ASIC2: variants seen among roughly 807,000 people sequenced by gnomAD.
ASIC2 encodes acid sensing ion channel subunit 2, also known as acid-sensing ion channel 2.
Under a neutral mutation model 57.3 loss-of-function variants are expected in ASIC2, and 25 were observed. That is an observed-to-expected ratio of 0.44 (90% CI 0.32 to 0.61). The LOEUF (loss-of-function observed/expected upper bound fraction) is 0.61. ASIC2 is among the 20% of genes least tolerant of loss of function. The pLI is 0.06. For synonymous variants in ASIC2, 319 were observed against 307.5 expected, an observed-to-expected ratio of 1.04 and a Z score of -0.39; for missense variants, 641 against 738.1, an observed-to-expected ratio of 0.87 and a Z score of 1.52.
intron 1 of ASIC2, among the ~76,000 whole-genome samples, chr17:33,228,992 C>A (rs1310324900): frequency 6.6e-6 from 1 of 152,204 alleles, no homozygotes; most frequent in Non-Finnish European, 1.5e-5. Context: ...CCCAGATATG[C>A]TCAGCAAGTT....
intron 1 of ASIC2, among the ~76,000 whole-genome samples, chr17:33,679,135 C>T (rs1037199521): frequency 3.3e-5 from 5 of 152,148 alleles, no homozygotes; most frequent in African/African-American, 1.2e-4. Context: ...ATATCCAGAA[C>T]AAGGCTAGAA....
At chr17:33,350,132 A>T (rs1485766433) in intron 1 of ASIC2, among the ~76,000 whole-genome samples, 1 of 152,068 alleles carries the variant, frequency 6.6e-6, no homozygotes, top group African/African-American at 2.4e-5. Context: ...GTCTCCTTGG[A>T]TTCTACCTGT....
intron 1 of ASIC2, among the ~76,000 whole-genome samples, chr17:33,508,506 G>A (rs1914330982): frequency 6.6e-6 from 1 of 152,198 alleles, no homozygotes; most frequent in African/African-American, 2.4e-5. Flanking sequence ...CCATCCCAGG[G>A]AGGTGGGGCC....
chr17:33,114,276 T>C (rs1324649497), intron 1 of ASIC2, among the ~76,000 whole-genome samples: 2 of 152,228 alleles, frequency 1.3e-5, no homozygotes, highest in Admixed American at 6.5e-5. Flanking sequence ...CATATAGCAA[T>C]TGAACTTGGC....
intron 1 of ASIC2, among the ~76,000 whole-genome samples, chr17:33,640,220 G>C (rs984309460): frequency 2.0e-5 from 3 of 152,068 alleles, no homozygotes; most frequent in African/African-American, 7.2e-5. Flanking sequence ...AGAGAGAGAG[G>C]AGAGAGAAAA....
At chr17:33,305,311 G>T (rs1906124848) in intron 1 of ASIC2, among the ~76,000 whole-genome samples, 1 of 152,120 alleles carries the variant, frequency 6.6e-6, no homozygotes, top group Admixed American at 6.6e-5. Context: ...CAGCCTTCCA[G>T]GCACCAGGGA....
intron 1 of ASIC2, among the ~76,000 whole-genome samples, chr17:34,027,271 T>C (rs1045584409): frequency 2.6e-5 from 4 of 152,184 alleles, no homozygotes; most frequent in African/African-American, 9.7e-5. Flanking sequence ...CCTGAAAATA[T>C]CTCAGTACCT....
intron 1 of ASIC2, among the ~76,000 whole-genome samples, chr17:33,192,174 A>C (rs1184544084): frequency 1.3e-5 from 2 of 152,174 alleles, no homozygotes; most frequent in Non-Finnish European, 2.9e-5. Flanking sequence ...TGAGGTCAGG[A>C]GCTCAAGACC....
At chr17:33,876,538 A>C (rs529778029) in intron 1 of ASIC2, among the ~76,000 whole-genome samples, 24 of 152,206 alleles carry the variant, frequency 1.6e-4, no homozygotes, top group Non-Finnish European at 2.9e-4. Flanking sequence ...TGATTGTACT[A>C]TCTCCATTTA....
chr17:33,841,852 C>T (rs907886055), intron 1 of ASIC2, among the ~76,000 whole-genome samples: 6 of 152,142 alleles, frequency 3.9e-5, no homozygotes, highest in Non-Finnish European at 5.9e-5. Context: ...AGCTAGCAAA[C>T]GAGACACAGG....
At chr17:33,088,337 A>G (rs2092143430) in intron 3 of ASIC2, among the ~76,000 whole-genome samples, 1 of 152,172 alleles carries the variant, frequency 6.6e-6, no homozygotes, top group South Asian at 2.1e-4. Flanking sequence ...CCACAGACAG[A>G]ATTGATGCAG....
chr17:33,529,514 C>T (rs942925554), intron 1 of ASIC2, among the ~76,000 whole-genome samples: 9 of 152,250 alleles, frequency 5.9e-5, no homozygotes, highest in African/African-American at 2.2e-4. Context: ...ACCCCTAGCT[C>T]ATTCTCATTC....
At chr17:33,328,762 C>G (rs1597685186) in intron 1 of ASIC2, among the ~76,000 whole-genome samples, 1 of 152,290 alleles carries the variant, frequency 6.6e-6, no homozygotes, top group South Asian at 2.1e-4. Flanking sequence ...TCCATTTTAT[C>G]TTTTCTTCAG....
At chr17:33,773,115 G>A (rs970158255) in intron 1 of ASIC2, among the ~76,000 whole-genome samples, 2 of 152,160 alleles carry the variant, frequency 1.3e-5, no homozygotes, top group Non-Finnish European at 2.9e-5. Flanking sequence ...TATACCAGAT[G>A]ATGCTTTTTG....
At chr17:33,157,403 CTA>C (rs1361223179) in intron 1 of ASIC2, among the ~76,000 whole-genome samples, 1 of 152,178 alleles carries the variant, frequency 6.6e-6, no homozygotes, top group African/African-American at 2.4e-5. Flanking sequence ...GGTTAAGTAA[CTA>C]TGTATCCTTT....
chr17:33,510,290 T>A (rs1175282149), intron 1 of ASIC2, among the ~76,000 whole-genome samples: 2 of 152,200 alleles, frequency 1.3e-5, no homozygotes, highest in African/African-American at 4.8e-5. Flanking sequence ...CCCATTTTTT[T>A]AAAGTGACCC....
At chr17:33,976,893 G>A (rs1194656277) in intron 1 of ASIC2, 1 of 152,132 alleles carries the variant, frequency 6.6e-6, no homozygotes, top group African/African-American at 2.4e-5. Flanking sequence ...GGAGGGAGGA[G>A]GGTGCCTGTG....
chr17:33,896,499 G>T (rs1330472942), intron 1 of ASIC2, among the ~76,000 whole-genome samples: 2 of 147,858 alleles, frequency 1.4e-5, no homozygotes, highest in African/African-American at 5.1e-5. Context: ...CCTCAGCTGT[G>T]CAATGGACAA....
At chr17:33,755,881 C>T (rs867526224) in intron 1 of ASIC2, among the ~76,000 whole-genome samples, 1 of 152,138 alleles carries the variant, frequency 6.6e-6, no homozygotes, top group Admixed American at 6.5e-5. Context: ...GTTAGGTGCA[C>T]GAGGAGGGCA....
Sources: allele counts gnomAD v4.1 joint callset (sites outside exome capture counted in the v4.1 genomes callset), GRCh38; gene constraint gnomAD v4.1.1; transcripts MANE v1.5; gene names NCBI Gene and HGNC (gene_info 2026-07-23, HGNC 2026-07-21).